Variants in SPATA31D3 observed in about 807,000 individuals in gnomAD.
The protein encoded by SPATA31D3 is SPATA31 subfamily D member 3.
For missense variants in SPATA31D3, 91 were observed against 297.9 expected, an observed-to-expected ratio of 0.31 and a Z score of 5.11; for synonymous variants, 27 against 107.8, an observed-to-expected ratio of 0.25 and a Z score of 4.65.
Position 81,949,513 on chromosome 9 carries a change from G to T in SPATA31D3, c.*1506G>T. ...AGCTGTCTTTACTGGGACTATTGAA[G>T]CTCAGAAAATTAGGAAAGACACTGG... On this transcript the variant is annotated 3_prime_UTR_variant, in exon 4 of 4. Transcript: ENST00000445385. The T allele has an allele frequency of 3.6e-6, 2 of 551,778 alleles. No individual in the cohort carries two copies. Among genetic ancestry groups the T allele is most frequent in the Admixed American group, 2.8e-5 (1 of 35,946 alleles). 34.2% of individuals were successfully genotyped at this position (551,778 alleles called of 1,614,324 possible). A position where few individuals can be genotyped will look rare whatever the true frequency, so the allele number is the denominator to read the frequency against.
chr9:81,949,384 C>A lies in SPATA31D3; in HGVS notation c.*1377C>A. 2.9e-6 allele frequency: 1 copy of A among 349,684 alleles called. No homozygotes were observed. The highest frequency in any genetic ancestry group is 5.7e-6 in the Non-Finnish European group (1 of 176,758). 21.7% of individuals were successfully genotyped at this position (349,684 alleles called of 1,614,324 possible). Reference sequence around the variant, plus strand: ...AACATTGATGAAGACCTTTTTGCAGCAGTCTAATAAACCCATCATAACATA... The same window carrying A: ...AACATTGATGAAGACCTTTTTGCAGAAGTCTAATAAACCCATCATAACATA... On this transcript the variant is annotated 3_prime_UTR_variant, in exon 4 of 4. Coordinates refer to ENST00000445385, the MANE Select transcript of SPATA31D3 (RefSeq NM_207416.3).
chr9:81,949,278 T>C lies in SPATA31D3; in HGVS notation c.*1271T>C. ...TCAGAAGAAAGAGCCATGCTATTCA[T>C]AACAAGACATCAAGGGAGTCGCTTG... On this transcript the variant is annotated 3_prime_UTR_variant, in exon 4 of 4. Coordinates refer to ENST00000445385, the MANE Select transcript of SPATA31D3 (RefSeq NM_207416.3). 5.3e-6 allele frequency: 2 copies of C among 377,584 alleles called. No homozygotes were observed. The highest frequency in any genetic ancestry group is 1.0e-5 in the Non-Finnish European group (2 of 195,966). 23.4% of individuals were successfully genotyped at this position (377,584 alleles called of 1,614,324 possible). A position where few individuals can be genotyped will look rare whatever the true frequency, so the allele number is the denominator to read the frequency against.
At position 81,949,671 on chromosome 9, in the gene SPATA31D3, C is replaced by G; in HGVS notation, c.*1664C>G. Reference sequence around the variant, plus strand: ...AACTGCAGGTCAGAGCAGAGCCTGTCCAGGGCTATCCCTGCAACTACATGG... The same window carrying G: ...AACTGCAGGTCAGAGCAGAGCCTGTGCAGGGCTATCCCTGCAACTACATGG... On this transcript the variant is annotated 3_prime_UTR_variant, in exon 4 of 4. Coordinates refer to ENST00000445385, the MANE Select transcript of SPATA31D3 (RefSeq NM_207416.3). 8.5e-7 allele frequency: 1 copy of G among 1,177,978 alleles called. No homozygotes were observed. The highest frequency in any genetic ancestry group is 1.3e-6 in the Non-Finnish European group (1 of 791,004). 73.0% of individuals were successfully genotyped at this position (1,177,978 alleles called of 1,614,324 possible).
At position 81,945,531 on chromosome 9, in the gene SPATA31D3, C is replaced by T; in HGVS notation, c.294-16C>T. 1 of 104,972 alleles carries T rather than the reference C, an allele frequency of 9.5e-6. No individual in the cohort carries two copies. The highest frequency in any genetic ancestry group is 7.5e-5 in the East Asian group (1 of 13,330). 6.5% of individuals were successfully genotyped at this position (104,972 alleles called of 1,614,324 possible). A position where few individuals can be genotyped will look rare whatever the true frequency, so the allele number is the denominator to read the frequency against. On this transcript the variant is annotated splice_polypyrimidine_tract_variant and intron_variant, in intron 3 of 3. Transcript: ENST00000445385. Reference sequence around the variant, plus strand: ...GCTAACAGATCCTCATTTCCTTGTTCTGATCCTGGCTGCAGCTTTGGACCT... The same window carrying T: ...GCTAACAGATCCTCATTTCCTTGTTTTGATCCTGGCTGCAGCTTTGGACCT...
Position 81,947,893 on chromosome 9 carries a change from C to G in SPATA31D3, c.2640C>G (p.Asp880Glu), listed in dbSNP as rs778590927. 25 of 1,611,936 alleles carry G rather than the reference C, an allele frequency of 1.6e-5. No individual in the cohort carries two copies. Among genetic ancestry groups the G allele is most frequent in the Non-Finnish European group, 2.0e-5 (24 of 1,179,470 alleles). Residue 880 changes from aspartate to glutamate, a missense_variant, in exon 4 of 4, where the codon GAC becomes GAG. Physicochemically the swap from Asp to Glu is conservative, Grantham distance 45 (BLOSUM62 2). Coordinates refer to ENST00000445385, the MANE Select transcript of SPATA31D3 (RefSeq NM_207416.3). ...HRNLAALVSEDHRVDTSQEMS... is the reference protein window; with the variant it reads ...HRNLAALVSEEHRVDTSQEMS... Reference sequence around the variant, plus strand: ...ATTTGGCAGCATTGGTGAGTGAGGACCACCGCGTTGATACCTCCCAGGAGA... The same window carrying G: ...ATTTGGCAGCATTGGTGAGTGAGGAGCACCGCGTTGATACCTCCCAGGAGA...
chr9:81,949,904 T>G lies in SPATA31D3; in HGVS notation c.*1897T>G, dbSNP rs540904569. ...TGCCACAGCCAAACCCCACTTGCAG[T>G]GTGAAGTCAACCTGGTGCCTCCGGT... On this transcript the variant is annotated 3_prime_UTR_variant, in exon 4 of 4. Coordinates refer to ENST00000445385, the MANE Select transcript of SPATA31D3 (RefSeq NM_207416.3). 1.5e-6 allele frequency: 1 copy of G among 663,646 alleles called. No homozygotes were observed. The highest frequency in any genetic ancestry group is 2.6e-5 in the Admixed American group (1 of 39,200). 41.1% of individuals were successfully genotyped at this position (663,646 alleles called of 1,614,324 possible). A position where few individuals can be genotyped will look rare whatever the true frequency, so the allele number is the denominator to read the frequency against.
Position 81,945,164 on chromosome 9 carries a change from G to C in SPATA31D3, c.233-8G>C. ...TCATTGCATGTAACATGCTGTTCTG[G>C]TTTCCAGACCGGAAAAGTTTGCAGA... On this transcript the variant is annotated splice_region_variant and splice_polypyrimidine_tract_variant and intron_variant, in intron 2 of 3. Transcript: ENST00000445385. 9.9e-7 allele frequency: 1 copy of C among 1,011,790 alleles called. No individual in the cohort carries two copies. The highest frequency in any genetic ancestry group is 1.3e-6 in the Non-Finnish European group (1 of 754,666). 62.7% of individuals were successfully genotyped at this position (1,011,790 alleles called of 1,614,324 possible).
chr9:81,945,048 C>A (rs1275103665), intron 2 of SPATA31D3, 124 bp from the exon 3 acceptor site: 4 of 350,810 alleles, frequency 1.1e-5, no homozygotes, highest in African/African-American at 4.6e-5. Context: ...TGAATATTTG[C>A]CCTTTTCTAC....
Position 81,945,748 on chromosome 9 carries a change from A to T in SPATA31D3, c.495A>T (p.Ser165=), listed in dbSNP as rs1299395819. The T allele has an allele frequency of 3.4e-5, 2 of 59,120 alleles. No homozygotes were observed. Among genetic ancestry groups the T allele is most frequent in the Non-Finnish European group, 5.9e-5 (2 of 34,140 alleles). The allele number at this position is 59,120 out of a possible 1,614,324, so 3.7% of individuals were successfully genotyped here. A position where few individuals can be genotyped will look rare whatever the true frequency, so the allele number is the denominator to read the frequency against. The change falls in exon 4 of 4, where the codon TCA becomes TCT. Residue 165 remains serine, a synonymous_variant. Coordinates refer to ENST00000445385, the MANE Select transcript of SPATA31D3 (RefSeq NM_207416.3). ...PLASSASGAE[S]SFTLASTPSA... ...CTTCTTCAGCTTCTGGGGCTGAGTC[A>T]TCGTTCACTCTGGCTTCCACCCCCT...
Position 81,949,625 on chromosome 9 carries a change from G to C in SPATA31D3, c.*1618G>C. 1 of 801,354 alleles carries C rather than the reference G, an allele frequency of 1.2e-6. No individual in the cohort carries two copies. Among genetic ancestry groups the C allele is most frequent in the Non-Finnish European group, 2.1e-6 (1 of 465,278 alleles). The allele number at this position is 801,354 out of a possible 1,614,324, so 49.6% of individuals were successfully genotyped here. A position where few individuals can be genotyped will look rare whatever the true frequency, so the allele number is the denominator to read the frequency against. On this transcript the variant is annotated 3_prime_UTR_variant, in exon 4 of 4. Coordinates refer to ENST00000445385, the MANE Select transcript of SPATA31D3 (RefSeq NM_207416.3). ...CCCCTTTCCTCCCCAGTGCAGCTTG[G>C]GAAATCTCAGAATGTGCCAGAACTG...
Position 81,949,901 on chromosome 9 carries a change from C to A in SPATA31D3, c.*1894C>A, listed in dbSNP as rs1417345062. ...CTGTGCCACAGCCAAACCCCACTTG[C>A]AGTGTGAAGTCAACCTGGTGCCTCC... is the stretch of plus-strand genomic sequence containing the variant. On this transcript the variant is annotated 3_prime_UTR_variant, in exon 4 of 4. Coordinates refer to ENST00000445385, the MANE Select transcript of SPATA31D3 (RefSeq NM_207416.3). The A allele has an allele frequency of 1.5e-6, 1 of 676,316 alleles. No individual in the cohort carries two copies. The highest frequency in any genetic ancestry group is 1.8e-5 in the African/African-American group (1 of 55,866). The allele number at this position is 676,316 out of a possible 1,614,324, so 41.9% of individuals were successfully genotyped here. A position where few individuals can be genotyped will look rare whatever the true frequency, so the allele number is the denominator to read the frequency against.
In SPATA31D3 at chr9:81,949,785, C is replaced by G. The variant is rs113151834; in HGVS notation, c.*1778C>G. On this transcript the variant is annotated 3_prime_UTR_variant, in exon 4 of 4. Transcript: ENST00000445385. ...ATTATCCTGCAATGATTAGACAGATCATAGACAAGGACAGATAGCCCCAGG... is the reference window on the plus strand; with the variant it reads ...ATTATCCTGCAATGATTAGACAGATGATAGACAAGGACAGATAGCCCCAGG... The G allele has an allele frequency of 1.5e-6, 2 of 1,324,320 alleles. No homozygotes were observed. The highest frequency in any genetic ancestry group is 2.2e-6 in the Non-Finnish European group (2 of 921,542). 82.0% of individuals were successfully genotyped at this position (1,324,320 alleles called of 1,614,324 possible).
Position 81,948,722 on chromosome 9 carries a change from A to G in SPATA31D3, c.*715A>G. ...AGTAGAAAGACCTTTCCTGTCACCA[A>G]TGGGTCGAAGGAGATGTTCAAGGAA... is the stretch of plus-strand genomic sequence containing the variant. On this transcript the variant is annotated 3_prime_UTR_variant, in exon 4 of 4. Transcript: ENST00000445385. 9.0e-6 allele frequency: 1 copy of G among 111,202 alleles called. No individual in the cohort carries two copies. 6.9% of individuals were successfully genotyped at this position (111,202 alleles called of 1,614,324 possible).
chr9:81,949,952 ACT>A lies in SPATA31D3; in HGVS notation c.*1946_*1947del, dbSNP rs1261065107. 3.8e-6 allele frequency: 2 copies of A among 525,868 alleles called. No individual in the cohort carries two copies. The highest frequency in any genetic ancestry group is 6.4e-5 in the Admixed American group (2 of 31,446). The allele number at this position is 525,868 out of a possible 1,614,324, so 32.6% of individuals were successfully genotyped here. On this transcript the variant is annotated 3_prime_UTR_variant, in exon 4 of 4. Coordinates refer to ENST00000445385, the MANE Select transcript of SPATA31D3 (RefSeq NM_207416.3). ...GGTCATCCTGACCAGTGCTAAAAACACTGTGTTCAGTGATGTGCCTTTACTAA... is the reference window on the plus strand; with the variant it reads ...GGTCATCCTGACCAGTGCTAAAAACAGTGTTCAGTGATGTGCCTTTACTAA...
chr9:81,949,248 C>G lies in SPATA31D3; in HGVS notation c.*1241C>G, dbSNP rs755277924. The G allele has an allele frequency of 2.6e-6, 1 of 383,990 alleles. No homozygotes were observed. The allele number at this position is 383,990 out of a possible 1,614,324, so 23.8% of individuals were successfully genotyped here. On this transcript the variant is annotated 3_prime_UTR_variant, in exon 4 of 4. Transcript: ENST00000445385. ...GAGGGGATGCAGGGCTGGGGACATCCCAACTCAGAAGAAAGAGCCATGCTA... is the reference window on the plus strand; with the variant it reads ...GAGGGGATGCAGGGCTGGGGACATCGCAACTCAGAAGAAAGAGCCATGCTA...
Position 81,948,049 on chromosome 9 carries a change from G to T in SPATA31D3, c.*42G>T, listed in dbSNP as rs1823931010. 1 of 1,599,090 alleles carries T rather than the reference G, an allele frequency of 6.3e-7. No homozygotes were observed. Among genetic ancestry groups the T allele is most frequent in the Non-Finnish European group, 8.5e-7 (1 of 1,173,032 alleles). On this transcript the variant is annotated 3_prime_UTR_variant, in exon 4 of 4. Transcript: ENST00000445385. ...TCCCCGCAAGATCCGTGAACCCACA[G>T]AAATCTTCAAATCAGAAGAGGATAT... is the stretch of plus-strand genomic sequence containing the variant.
rs1298918541 is a variant in SPATA31D3, at chr9:81,949,894, C to G, written c.*1887C>G. Reference sequence around the variant, plus strand: ...AGGAAGCCTGTGCCACAGCCAAACCCCACTTGCAGTGTGAAGTCAACCTGG... The same window carrying G: ...AGGAAGCCTGTGCCACAGCCAAACCGCACTTGCAGTGTGAAGTCAACCTGG... On this transcript the variant is annotated 3_prime_UTR_variant, in exon 4 of 4. Transcript: ENST00000445385. 8 of 706,218 alleles carry G rather than the reference C, an allele frequency of 1.1e-5. No individual in the cohort carries two copies. The highest frequency in any genetic ancestry group is 5.3e-5 in the East Asian group (2 of 37,680). 43.7% of individuals were successfully genotyped at this position (706,218 alleles called of 1,614,324 possible).
chr9:81,949,754 G>A lies in SPATA31D3; in HGVS notation c.*1747G>A. ...TGCAGCCAACAAGCTATCTTTGTCG[G>A]CCAGAATTATCCTGCAATGATTAGA... On this transcript the variant is annotated 3_prime_UTR_variant, in exon 4 of 4. Coordinates refer to ENST00000445385, the MANE Select transcript of SPATA31D3 (RefSeq NM_207416.3). 1 of 1,399,920 alleles carries A rather than the reference G, an allele frequency of 7.1e-7. No homozygotes were observed. Among genetic ancestry groups the A allele is most frequent in the Admixed American group, 1.7e-5 (1 of 59,150 alleles). 86.7% of individuals were successfully genotyped at this position (1,399,920 alleles called of 1,614,324 possible). A position where few individuals can be genotyped will look rare whatever the true frequency, so the allele number is the denominator to read the frequency against.
Position 81,947,078 on chromosome 9 carries a change from GA to G in SPATA31D3, c.1826del (p.Glu609GlyfsTer72). 1 of 145,588 alleles carries G rather than the reference GA, an allele frequency of 6.9e-6. No individual in the cohort carries two copies. The highest frequency in any genetic ancestry group is 5.6e-5 in the South Asian group (1 of 17,854). The allele number at this position is 145,588 out of a possible 1,614,324, so 9.0% of individuals were successfully genotyped here. On this transcript the variant is annotated frameshift_variant, in exon 4 of 4. Transcript: ENST00000445385. LOFTEE classifies it low-confidence loss of function (END_TRUNC). ...CGVCFHRPQN[E>X]ARSLMPSEIN... ...CGTGTGTTTTCATAGACCCCAGAAT[GA>G]GGCACGGTCTCTTATGCCATCTGAA...
Sources: allele counts gnomAD v4.1 joint callset, GRCh38; gene constraint gnomAD v4.1.1; transcripts MANE v1.5; gene names NCBI Gene and HGNC (gene_info 2026-07-23, HGNC 2026-07-21).